The following PTPRF variants were observed in gnomAD, a reference collection of about 807,000 sequenced individuals.
The protein encoded by PTPRF is protein tyrosine phosphatase receptor type F, also known as receptor-type tyrosine-protein phosphatase F.
A neutral mutation model predicts 201.8 loss-of-function variants in PTPRF; 59 were observed. That is an observed-to-expected ratio of 0.29 (90% CI 0.24 to 0.36). The LOEUF (loss-of-function observed/expected upper bound fraction) is 0.36, where lower values mean the gene tolerates loss of function less well. Among genes scored for constraint, PTPRF ranks in the 10% least tolerant of loss-of-function variants. The pLI is 1.00. For synonymous variants in PTPRF, 1,088 were observed against 1,089.7 expected (o/e 1.00, Z 0.03); for missense variants, 2,132 against 2,690.5 (o/e 0.79, Z 4.59).
At chr1:43,574,032 T>C (rs1195167889) in intron 6 of PTPRF, among the ~76,000 whole-genome samples, 1 of 126,506 alleles carries the variant, frequency 7.9e-6, no homozygotes, top group Non-Finnish European at 1.6e-5. Context: ...GTTTCGCTCT[T>C]GGTACCTAGG....
intron 1 of PTPRF, among the ~76,000 whole-genome samples, chr1:43,532,430 G>A (rs1643666590): frequency 6.6e-6 from 1 of 152,244 alleles, no homozygotes; most frequent in East Asian, 1.9e-4. Context: ...ATTAGGTTGA[G>A]GAAGGCTCCA....
rs1469211775 is a variant in PTPRF, at chr1:43,619,778, A to G, written c.5031A>G (p.Glu1677=). Residue 1677 remains glutamate, a synonymous_variant, in exon 29 of 34, where the codon GAA becomes GAG. Coordinates refer to ENST00000359947, the MANE Select transcript of PTPRF (RefSeq NM_002840.5). ...KNRLVNIMPY[E]LTRVCLQPIR... is the part of the protein sequence containing the mutation. ...GGCTGGTGAACATCATGCCCTACGA[A>G]TTGACCCGTGTGTGTCTGCAGCCCA... 1.2e-6 allele frequency: 2 copies of G among 1,614,238 alleles called. No homozygotes were observed. Among genetic ancestry groups the G allele is most frequent in the Non-Finnish European group, 1.7e-6 (2 of 1,180,034 alleles).
chr1:43,566,564 T>C (rs1022121158), intron 5 of PTPRF, among the ~76,000 whole-genome samples: 42 of 152,198 alleles, frequency 2.8e-4, no homozygotes, highest in African/African-American at 9.9e-4. Flanking sequence ...CCAGTCTGGC[T>C]GATAGATCAG....
At chr1:43,568,624 C>T (rs942795082) in intron 5 of PTPRF, among the ~76,000 whole-genome samples, 1 of 152,172 alleles carries the variant, frequency 6.6e-6, no homozygotes, top group African/African-American at 2.4e-5. Context: ...ACGTGGGAGT[C>T]CCATTTGATC....
At chr1:43,616,676 C>T (rs1007754586) in intron 23 of PTPRF, among the ~76,000 whole-genome samples, 8 of 152,000 alleles carry the variant, frequency 5.3e-5, no homozygotes, top group South Asian at 4.2e-4. Context: ...CCAGCAGCAG[C>T]GCCAGGTTTG....
At position 43,575,831 on chromosome 1, in the gene PTPRF, A is replaced by C. The variant is rs532143672; in HGVS notation, c.569-2979A>C. 7.2e-6 allele frequency: 9 copies of C among 1,252,864 alleles called. No homozygotes were observed. The African/African-American group carries it at 1.2e-4, about 17-fold the overall frequency. 77.6% of individuals were successfully genotyped at this position (1,252,864 alleles called of 1,614,324 possible). ...CCTTTCTTGTGTTTTATTTTACCTG[A>C]TTTGGCTTTGTGTGGCTTTCCTTCC... On this transcript the variant is annotated intron_variant, in intron 6 of 33. Transcript: ENST00000359947.
At chr1:43,548,235 T>G (rs1569663988) in intron 3 of PTPRF, among the ~76,000 whole-genome samples, 1 of 149,628 alleles carries the variant, frequency 6.7e-6, no homozygotes, top group Admixed American at 6.7e-5. Context: ...GGGACAGAGG[T>G]GGGGTCCGAA....
At chr1:43,532,659 GCTAT>G (rs1202264995) in intron 1 of PTPRF, 1 of 158,502 alleles carries the variant, frequency 6.3e-6, no homozygotes, top group African/African-American at 2.4e-5. Context: ...GTTCTGACAG[GCTAT>G]CTAAGGAAAT....
chr1:43,545,111 GC>G lies in PTPRF; in HGVS notation c.40del (p.Val15CysfsTer5). On this transcript the variant is annotated frameshift_variant, in exon 3 of 34. Transcript: ENST00000359947. LOFTEE classifies it high-confidence loss of function. The stretch of plus-strand genomic sequence containing the variant: ...AGCCAGCCCCAGGGAGGACGATGGT[GC>G]CCCTTGTGCCTGCACTGGTGATGCT... ...PEPAPGRTMV[P>X]LVPALVMLGL... is the part of the protein sequence containing the mutation. 6.3e-7 allele frequency: 1 copy of G among 1,588,886 alleles called. No homozygotes were observed. Among genetic ancestry groups the G allele is most frequent in the Non-Finnish European group, 8.6e-7 (1 of 1,167,264 alleles).
chr1:43,589,552 G>A (rs1650070620), intron 8 of PTPRF, among the ~76,000 whole-genome samples: 1 of 152,076 alleles, frequency 6.6e-6, no homozygotes, highest in Non-Finnish European at 1.5e-5. Flanking sequence ...TTACACATAT[G>A]TCACATATAT....
At chr1:43,551,624 T>G (rs1645043408) in intron 3 of PTPRF, among the ~76,000 whole-genome samples, 1 of 152,150 alleles carries the variant, frequency 6.6e-6, no homozygotes, top group African/African-American at 2.4e-5. Context: ...AAAGCCTGGC[T>G]CCATGCCTGC....
rs371739340 is a variant in PTPRF, at chr1:43,545,177, C to T, written c.91+11C>T. 1.9e-5 allele frequency: 30 copies of T among 1,566,382 alleles called. No homozygotes were observed. The highest frequency in any genetic ancestry group is 2.4e-5 in the South Asian group (2 of 85,056). ...GCGCCCATGGTGACAGTAAGTCTGACCCCTCAAGGTACAGATCTCCCAGGT... is the reference window on the plus strand; with the variant it reads ...GCGCCCATGGTGACAGTAAGTCTGATCCCTCAAGGTACAGATCTCCCAGGT... On this transcript the variant is annotated intron_variant, in intron 3 of 33. Transcript: ENST00000359947.
upstream of PTPRF, among the ~76,000 whole-genome samples, chr1:43,526,685 C>T (rs1199107293): frequency 6.6e-6 from 1 of 152,128 alleles, no homozygotes; most frequent in African/African-American, 2.4e-5. Context: ...GCATGCGATT[C>T]GAAAGCCAAG....
At chr1:43,571,106 C>G (rs768254086) in intron 6 of PTPRF, among the ~76,000 whole-genome samples, 8 of 152,162 alleles carry the variant, frequency 5.3e-5, no homozygotes, top group Non-Finnish European at 1.0e-4. Flanking sequence ...CTTGGGGTGC[C>G]CGGCCCTGGG....
At chr1:43,582,946 C>T (rs1648113735) in intron 7 of PTPRF, 1 of 451,764 alleles carries the variant, frequency 2.2e-6, no homozygotes, top group African/African-American at 2.1e-5. Context: ...GCACAGGAGT[C>T]TCGTCTCGTC....
In PTPRF at chr1:43,615,576, TTTTTTC is replaced by T. The variant is rs1357949926; in HGVS notation, c.4072-1863_4072-1858del. Among the ~76,000 whole-genome samples the T allele has an allele frequency of 1.2e-3, 117 of 98,026 alleles. 5 individuals carry two copies. Among genetic ancestry groups the T allele is most frequent in the African/African-American group, 3.6e-3 (106 of 29,056 alleles). The allele number at this position is 98,026 out of a possible 152,430, so 64.3% of individuals were successfully genotyped here. ...CTTTTTTTTTTTTTTTTTTTTTTTTTTTTTTCTTTTTTGGAAGTCTCGCTCCGTCAT... is the reference window on the plus strand; with the variant it reads ...CTTTTTTTTTTTTTTTTTTTTTTTTTTTTTTTGGAAGTCTCGCTCCGTCAT... On this transcript the variant is annotated intron_variant, in intron 23 of 33. Coordinates refer to ENST00000359947, the MANE Select transcript of PTPRF (RefSeq NM_002840.5).
chr1:43,559,844 T>C (rs1645671913), intron 5 of PTPRF, among the ~76,000 whole-genome samples: 1 of 141,186 alleles, frequency 7.1e-6, no homozygotes, highest in South Asian at 2.3e-4. Context: ...AGCGAGTAGT[T>C]TGTGGGGTGT....
intron 5 of PTPRF, 58 bp from the exon 6 acceptor site, chr1:43,569,531 AG>A (rs1435179967): frequency 6.7e-7 from 1 of 1,502,710 alleles, no homozygotes; most frequent in African/African-American, 1.4e-5. Context: ...TTACCCCCAG[AG>A]GGGTCATAGG....
intron 23 of PTPRF, among the ~76,000 whole-genome samples, chr1:43,614,256 A>T (rs1657187613): frequency 3.3e-5 from 5 of 152,202 alleles, no homozygotes; most frequent in Admixed American, 3.3e-4. Context: ...TGGAGCCAGG[A>T]TTCAAACCCA....
Sources: gnomAD v4.1 joint callset for allele counts (sites outside exome capture counted in the v4.1 genomes callset) on GRCh38, gnomAD v4.1.1 for gene constraint, MANE v1.5 for transcripts, NCBI Gene and HGNC (gene_info 2026-07-23, HGNC 2026-07-21) for gene names.